YTHDF2: variants seen among roughly 807,000 people sequenced by gnomAD.
YTHDF2 encodes the protein YTH N6-methyladenosine RNA binding protein F2, also known as YTH domain-containing family protein 2.
A neutral mutation model predicts 50.4 loss-of-function variants in YTHDF2; 2 were observed. The ratio of observed to expected loss-of-function variants is 0.04; its 90% CI spans 0.02 to 0.12. The LOEUF is 0.12. YTHDF2 is among the 10% of genes least tolerant of loss of function. The pLI, the probability that YTHDF2 is intolerant of heterozygous loss-of-function variation, is 1.00. For synonymous variants in YTHDF2, 217 were observed against 255.6 expected, an observed-to-expected ratio of 0.85 and a Z score of 1.44; for missense variants, 483 against 722.6, an observed-to-expected ratio of 0.67 and a Z score of 3.80.
chr1:28,762,463 T>G (rs1401377470), intron 4 of YTHDF2, among the ~76,000 whole-genome samples: 1 of 152,132 alleles, frequency 6.6e-6, no homozygotes, highest in African/African-American at 2.4e-5. Context: ...TCAGCTGGGG[T>G]GCTGAACTTT....
At chr1:28,741,512 T>C (rs1271574122) in intron 3 of YTHDF2, among the ~76,000 whole-genome samples, 1 of 152,198 alleles carries the variant, frequency 6.6e-6, no homozygotes, top group African/African-American at 2.4e-5. Context: ...TTGGCCAGGC[T>C]GGTCTCGAAC....
chr1:28,741,282 G>A lies in YTHDF2; in HGVS notation c.133-1121G>A, dbSNP rs376148978. ...CAAAATGCTGGAATTACAGGCGTGAGCCACTGTGCCCGGCCTGTTTTTATT... is the reference window on the plus strand; with the variant it reads ...CAAAATGCTGGAATTACAGGCGTGAACCACTGTGCCCGGCCTGTTTTTATT... On this transcript the variant is annotated intron_variant, in intron 3 of 4. Transcript: ENST00000373812. Among the ~76,000 whole-genome samples the A allele has an allele frequency of 6.6e-5, 10 of 152,208 alleles. 1 individual carries two copies. In the East Asian group the frequency reaches 9.7e-4, roughly 15 times the overall value.
intron 4 of YTHDF2, among the ~76,000 whole-genome samples, chr1:28,754,076 T>C (rs1369912412): frequency 2.0e-5 from 3 of 152,200 alleles, no homozygotes; most frequent in Admixed American, 2.0e-4. Flanking sequence ...GAATAACAGT[T>C]TGGAGGATGG....
chr1:28,748,451 T>C (rs2087897728), intron 4 of YTHDF2, among the ~76,000 whole-genome samples: 1 of 152,190 alleles, frequency 6.6e-6, no homozygotes, highest in Non-Finnish European at 1.5e-5. Context: ...CATAAAGAAG[T>C]AGGGAAGTAC....
At chr1:28,751,111 G>T (rs866134062) in intron 4 of YTHDF2, among the ~76,000 whole-genome samples, 4 of 37,464 alleles carry the variant, frequency 1.1e-4, no homozygotes, top group South Asian at 5.3e-4. Flanking sequence ...AAAAAAAAAA[G>T]GCTGGGCGTG....
chr1:28,746,447 T>TG (rs1205539739), intron 4 of YTHDF2, among the ~76,000 whole-genome samples: 3 of 152,010 alleles, frequency 2.0e-5, no homozygotes, highest in Non-Finnish European at 4.4e-5. Context: ...GGTTTAGAAA[T>TG]GGAGTAGCAG....
At chr1:28,738,149 T>C in intron 2 of YTHDF2, 110 bp from the exon 3 acceptor site, 1 of 815,712 alleles carries the variant, frequency 1.2e-6, no homozygotes, top group South Asian at 1.7e-5. Context: ...AAGTTCAATC[T>C]TACGTGCTTT....
chr1:28,763,433 C>T (rs909967917), intron 4 of YTHDF2, among the ~76,000 whole-genome samples: 1 of 151,918 alleles, frequency 6.6e-6, no homozygotes, highest in African/African-American at 2.4e-5. Flanking sequence ...GACACCAGGG[C>T]TGGCTAGTTT....
chr1:28,736,810 G>A (rs962005638), upstream of YTHDF2: 17 of 366,066 alleles, frequency 4.6e-5, no homozygotes, highest in African/African-American at 2.6e-4. Context: ...TTCCGCGTGG[G>A]TGAGTGAATG....
chr1:28,764,019 G>A lies in YTHDF2; in HGVS notation c.1717-4910G>A, dbSNP rs374113626. On this transcript the variant is annotated intron_variant, in intron 4 of 4. Transcript: ENST00000373812. ...GGCTGGAGTGCAGTGGTGTGATCTC[G>A]GCTCACTGCAACCTCCATCTCCCAG... Among the ~76,000 whole-genome samples the A allele has an allele frequency of 3.4e-5, 5 of 147,396 alleles. No individual in the cohort carries two copies. The East Asian group carries it at 1.0e-3, about 30-fold the overall frequency.
intron 4 of YTHDF2, among the ~76,000 whole-genome samples, chr1:28,765,191 C>T (rs983026160): frequency 1.3e-4 from 20 of 151,180 alleles, no homozygotes; most frequent in East Asian, 3.9e-4. Flanking sequence ...TTTGTAGAGA[C>T]GGGGTTTTGC....
intron 4 of YTHDF2, among the ~76,000 whole-genome samples, chr1:28,756,126 T>C (rs2088032564): frequency 6.6e-6 from 1 of 152,226 alleles, no homozygotes; most frequent in Non-Finnish European, 1.5e-5. Flanking sequence ...GTCGGTATCT[T>C]TCAACCTCTG....
At chr1:28,748,286 A>C (rs1208918429) in intron 4 of YTHDF2, among the ~76,000 whole-genome samples, 1 of 152,192 alleles carries the variant, frequency 6.6e-6, no homozygotes, top group Admixed American at 6.5e-5. Context: ...CTGTTCTTAC[A>C]ATCTTTATTA....
intron 4 of YTHDF2, among the ~76,000 whole-genome samples, chr1:28,749,170 T>C (rs2087909243): frequency 6.8e-6 from 1 of 147,036 alleles, no homozygotes; most frequent in Admixed American, 7.3e-5. Flanking sequence ...TAAGAGCCTT[T>C]CTTTCTTCCT....
At chr1:28,750,319 C>T (rs2087931957) in intron 4 of YTHDF2, among the ~76,000 whole-genome samples, 1 of 151,900 alleles carries the variant, frequency 6.6e-6, no homozygotes, top group Admixed American at 6.6e-5. Flanking sequence ...TTCTTCATGT[C>T]AAAAGACAAA....
chr1:28,754,840 G>A (rs2124191453), intron 4 of YTHDF2, among the ~76,000 whole-genome samples: 1 of 151,950 alleles, frequency 6.6e-6, no homozygotes, highest in Non-Finnish European at 1.5e-5. Flanking sequence ...GTGGTGGTGT[G>A]TGCCTATAGT....
At chr1:28,754,405 C>T (rs1296556626) in intron 4 of YTHDF2, among the ~76,000 whole-genome samples, 1 of 152,126 alleles carries the variant, frequency 6.6e-6, no homozygotes, top group African/African-American at 2.4e-5. Flanking sequence ...TGACGGGCGC[C>T]TGTAGTCCCA....
At chr1:28,737,355 C>T (rs1421899244) in intron 1 of YTHDF2, 4 of 665,680 alleles carry the variant, frequency 6.0e-6, no homozygotes, top group Non-Finnish European at 9.5e-6. Context: ...GCCCACGGGC[C>T]GGGCCGCGCC....
chr1:28,768,030 G>A (rs892588673), intron 4 of YTHDF2, among the ~76,000 whole-genome samples: 7 of 151,114 alleles, frequency 4.6e-5, no homozygotes, highest in Admixed American at 2.6e-4. Context: ...GTGAAACCCC[G>A]TCTCTACTAA....
Sources: allele counts gnomAD v4.1 joint callset (sites outside exome capture counted in the v4.1 genomes callset), GRCh38; gene constraint gnomAD v4.1.1; transcripts MANE v1.5; gene names NCBI Gene and HGNC (gene_info 2026-07-23, HGNC 2026-07-21).